The following ITPRID1 variants were observed in gnomAD, a reference collection of about 807,000 sequenced individuals.
ITPRID1 encodes protein ITPRID1.
A neutral mutation model predicts 95.4 loss-of-function variants in ITPRID1; 96 were observed. That is an observed-to-expected ratio of 1.01 (90% CI 0.85 to 1.19). ITPRID1 has a LOEUF of 1.19. ITPRID1 is among the 50% of genes most tolerant of loss of function. ITPRID1 has a pLI of 0.00. For missense variants in ITPRID1, 1,339 were observed against 1,252.9 expected, an observed-to-expected ratio of 1.07 and a Z score of -1.04; for synonymous variants, 510 against 453.6, an observed-to-expected ratio of 1.12 and a Z score of -1.58.
intron 8 of ITPRID1, 78 bp from the exon 9 acceptor site, chr7:31,577,785 C>G (rs1785237298): frequency 2.4e-6 from 3 of 1,232,064 alleles, no homozygotes; most frequent in Non-Finnish European, 3.3e-6. Flanking sequence ...TTAACGGACC[C>G]TTCAGTTTTG....
chr7:31,653,098 G>A lies in ITPRID1; in HGVS notation c.*269G>A. ...GGTCTCTGCCCTGCTAGAACTTACA[G>A]TGTAGTGGGGGAGATAGAATTGCAA... is the stretch of plus-strand genomic sequence containing the variant. On this transcript the variant is annotated 3_prime_UTR_variant, in exon 15 of 15. Transcript: ENST00000615280. 1.5e-6 allele frequency: 1 copy of A among 668,150 alleles called. No homozygotes were observed. The highest frequency in any genetic ancestry group is 2.2e-6 in the Non-Finnish European group (1 of 460,790). The allele number at this position is 668,150 out of a possible 1,614,324, so 41.4% of individuals were successfully genotyped here. A position where few individuals can be genotyped will look rare whatever the true frequency, so the allele number is the denominator to read the frequency against.
chr7:31,525,284 T>C lies in ITPRID1; in HGVS notation c.-98+11164T>C, dbSNP rs147653584. On this transcript the variant is annotated intron_variant, in intron 1 of 14. Transcript: ENST00000615280. ...ACTCTAAGTCCTAACCTTTCCATCT[T>C]TTCCTTTGTCAAATACAGGGTGTCT... is the stretch of plus-strand genomic sequence containing the variant. 4.8e-3 allele frequency among the ~76,000 whole-genome samples: 735 copies of C among 152,340 alleles called. 8 individuals carry two copies. The highest frequency in any genetic ancestry group is 0.027 in the Middle Eastern group (8 of 294).
At chr7:31,616,318 G>A (rs928795999) in intron 10 of ITPRID1, among the ~76,000 whole-genome samples, 1 of 152,114 alleles carries the variant, frequency 6.6e-6, no homozygotes, top group African/African-American at 2.4e-5. Flanking sequence ...TCAGGGTCTA[G>A]TAGTGAATAT....
intron 10 of ITPRID1, among the ~76,000 whole-genome samples, chr7:31,617,097 A>T (rs1158279115): frequency 6.6e-6 from 1 of 152,198 alleles, no homozygotes; most frequent in Admixed American, 6.5e-5. Flanking sequence ...GTTGCACTTC[A>T]GTGGTGGGTG....
intron 10 of ITPRID1, among the ~76,000 whole-genome samples, chr7:31,631,350 A>C (rs2128193996): frequency 6.6e-6 from 1 of 152,352 alleles, no homozygotes. Flanking sequence ...TATATGAAAA[A>C]CAAGATATAA....
chr7:31,549,303 T>A, intron 1 of ITPRID1, 123 bp from the exon 2 acceptor site: 4 of 577,720 alleles, frequency 6.9e-6, no homozygotes, highest in Non-Finnish European at 1.1e-5. Flanking sequence ...AAACATCTAC[T>A]TCTCAATCAT....
intron 10 of ITPRID1, among the ~76,000 whole-genome samples, chr7:31,606,147 A>T (rs1213601075): frequency 6.6e-6 from 1 of 152,200 alleles, no homozygotes; most frequent in Non-Finnish European, 1.5e-5. Flanking sequence ...TTCTTACTCT[A>T]TTAATAGATA....
At chr7:31,517,714 G>A (rs1783092923) in intron 1 of ITPRID1, 2 of 152,582 alleles carry the variant, frequency 1.3e-5, no homozygotes, top group Non-Finnish European at 2.9e-5. Context: ...ACCGTTAGCA[G>A]AGGGAGCCGG....
At chr7:31,567,153 A>G (rs905211815) in intron 5 of ITPRID1, among the ~76,000 whole-genome samples, 4 of 152,230 alleles carry the variant, frequency 2.6e-5, no homozygotes, top group African/African-American at 9.6e-5. Flanking sequence ...ATTGTAATTT[A>G]CATAAATATT....
At chr7:31,631,978 G>T (rs1429443792) in intron 10 of ITPRID1, among the ~76,000 whole-genome samples, 2 of 152,168 alleles carry the variant, frequency 1.3e-5, no homozygotes, top group African/African-American at 4.8e-5. Context: ...ACAGCAGAGG[G>T]CCCTGCAGGT....
At chr7:31,587,182 A>C (rs1356492660) in intron 10 of ITPRID1, among the ~76,000 whole-genome samples, 1 of 152,196 alleles carries the variant, frequency 6.6e-6, no homozygotes, top group Non-Finnish European at 1.5e-5. Context: ...TCAATTAGGA[A>C]AAGAGGAAGT....
At position 31,636,893 on chromosome 7, in the gene ITPRID1, A is replaced by G. The variant is rs1248946260; in HGVS notation, c.1229-5283A>G. 1.4e-4 allele frequency among the ~76,000 whole-genome samples: 4 copies of G among 28,344 alleles called. No homozygotes were observed. In the Admixed American group the frequency reaches 2.0e-3, roughly 14 times the overall value. 18.6% of individuals were successfully genotyped at this position (28,344 alleles called of 152,430 possible). On this transcript the variant is annotated intron_variant, in intron 10 of 14. Coordinates refer to ENST00000615280, the MANE Select transcript of ITPRID1 (RefSeq NM_001257967.3). ...TCCCTCCCCCCTCCCCCCTCCCCCCACCCGACAACAGTCCCTGGTGTGTGA... is the reference window on the plus strand; with the variant it reads ...TCCCTCCCCCCTCCCCCCTCCCCCCGCCCGACAACAGTCCCTGGTGTGTGA...
At chr7:31,554,452 G>T (rs745714084) in intron 3 of ITPRID1, 23 bp from the exon 4 acceptor site, 16 of 1,609,694 alleles carry the variant, frequency 9.9e-6, no homozygotes, top group Non-Finnish European at 1.3e-5. Context: ...TTGACTAACT[G>T]ATCTGTTCTT....
intron 10 of ITPRID1, among the ~76,000 whole-genome samples, chr7:31,620,217 G>C (rs891617399): frequency 5.3e-5 from 8 of 152,124 alleles, no homozygotes; most frequent in East Asian, 1.9e-4. Context: ...AACCTCTTCA[G>C]ACTTAAATGT....
Position 31,643,257 on chromosome 7 carries a change from C to A in ITPRID1, c.1887C>A (p.Thr629=), listed in dbSNP as rs778018395. The A allele has an allele frequency of 8.1e-6, 13 of 1,613,778 alleles. No homozygotes were observed. Among genetic ancestry groups the A allele is most frequent in the East Asian group, 2.2e-5 (1 of 44,878 alleles). ...EEESSGFCPH[T]NHSLLVPESS... ...AAAGCAGTGGATTCTGTCCTCACAC[C>A]AACCACAGCTTACTCGTACCAGAAA... The change falls in exon 12 of 15, where the codon ACC becomes ACA. Residue 629 remains threonine, a synonymous_variant. Transcript: ENST00000615280.
At chr7:31,646,012 C>G (rs1790435502) in intron 12 of ITPRID1, among the ~76,000 whole-genome samples, 1 of 152,076 alleles carries the variant, frequency 6.6e-6, no homozygotes. Flanking sequence ...ATATTAAATC[C>G]TAGAATTAGG....
intron 10 of ITPRID1, among the ~76,000 whole-genome samples, chr7:31,599,316 A>G (rs2191343): frequency 0.48 from 73,492 of 151,978 alleles, 18,533 homozygotes; most frequent in African/African-American, 0.62. Context: ...GGGTACATAC[A>G]ATATATAAAG....
At chr7:31,559,778 G>C (rs781640739) in intron 5 of ITPRID1, among the ~76,000 whole-genome samples, 5 of 152,168 alleles carry the variant, frequency 3.3e-5, no homozygotes, top group Non-Finnish European at 5.9e-5. Flanking sequence ...TAATTTTTCA[G>C]CTTCTTCCTG....
chr7:31,631,446 G>T (rs750974401), intron 10 of ITPRID1, among the ~76,000 whole-genome samples: 2 of 152,150 alleles, frequency 1.3e-5, no homozygotes, highest in Non-Finnish European at 2.9e-5. Flanking sequence ...AAAGATTTTA[G>T]TCATTTTCTT....
Sources: gnomAD v4.1 joint callset for allele counts (sites outside exome capture counted in the v4.1 genomes callset) on GRCh38, gnomAD v4.1.1 for gene constraint, MANE v1.5 for transcripts, NCBI Gene and HGNC (gene_info 2026-07-23, HGNC 2026-07-21) for gene names.